Variants in PBX1 observed in about 807,000 individuals in gnomAD.
The protein encoded by PBX1 is PBX homeobox 1, also known as pre-B-cell leukemia transcription factor 1.
Under a neutral mutation model 53.4 loss-of-function variants are expected in PBX1, and 6 were observed. The observed-to-expected ratio is 0.11, with a 90% CI of 0.06 to 0.22. The LOEUF (loss-of-function observed/expected upper bound fraction) is 0.22. PBX1 is among the 10% of genes least tolerant of loss of function. The probability of loss-of-function intolerance (pLI) is 1.00; values close to 1 mark genes in which losing one functional copy is unlikely to be tolerated. For missense variants in PBX1, 251 were observed against 551.4 expected (o/e 0.46, Z 5.46); for synonymous variants, 204 against 212.3 (o/e 0.96, Z 0.34).
chr1:164,651,402 A>G (rs560490052), intron 2 of PBX1, among the ~76,000 whole-genome samples: 4 of 151,424 alleles, frequency 2.6e-5, no homozygotes, highest in Middle Eastern at 3.4e-3. Flanking sequence ...TGTTTATTTC[A>G]TCTCGCGTGG....
At chr1:164,697,276 T>C (rs896315671) in intron 2 of PBX1, among the ~76,000 whole-genome samples, 12 of 152,172 alleles carry the variant, frequency 7.9e-5, no homozygotes, top group Admixed American at 6.5e-5. Flanking sequence ...AGAACCTAGG[T>C]TGAATGACTG....
At chr1:164,858,971 A>C (rs1195230041) in intron 2 of PBX1, among the ~76,000 whole-genome samples, 1 of 152,166 alleles carries the variant, frequency 6.6e-6, no homozygotes, top group Non-Finnish European at 1.5e-5. Flanking sequence ...AGGATGTATA[A>C]AATACTTGAA....
At chr1:164,744,227 CAA>C (rs1194966790) in intron 2 of PBX1, among the ~76,000 whole-genome samples, 3 of 152,258 alleles carry the variant, frequency 2.0e-5, no homozygotes, top group Admixed American at 6.5e-5. Flanking sequence ...GTGTCTGACT[CAA>C]GAGGGGATTA....
At chr1:164,638,613 G>A (rs1452280049) in intron 2 of PBX1, among the ~76,000 whole-genome samples, 1 of 152,174 alleles carries the variant, frequency 6.6e-6, no homozygotes, top group Non-Finnish European at 1.5e-5. Flanking sequence ...GGGTGAAAAC[G>A]ACAAGTGGAG....
At chr1:164,837,942 A>G (rs1571504886) in intron 8 of PBX1, among the ~76,000 whole-genome samples, 2 of 152,332 alleles carry the variant, frequency 1.3e-5, no homozygotes, top group Middle Eastern at 3.4e-3. Context: ...GATCCCTTAT[A>G]TGGCATTATT....
At position 164,799,957 on chromosome 1, in the gene PBX1, G is replaced by A. The variant is rs543550239; in HGVS notation, c.701+68G>A. 45 of 1,407,462 alleles carry A rather than the reference G, an allele frequency of 3.2e-5. 1 individual carries two copies. The South Asian group carries it at 5.9e-4, about 18-fold the overall frequency. 87.2% of individuals were successfully genotyped at this position (1,407,462 alleles called of 1,614,324 possible). A position where few individuals can be genotyped will look rare whatever the true frequency, so the allele number is the denominator to read the frequency against. ...TGATCTGGGGCTGGAGTCCACAGCC[G>A]CTGCCCCCTTCAGGCTCTAGTTTCA... On this transcript the variant is annotated intron_variant, in intron 4 of 8. Coordinates refer to ENST00000420696, the MANE Select transcript of PBX1 (RefSeq NM_002585.4).
Position 164,849,437 on chromosome 1 carries a change from G to A in PBX1, c.*2761G>A, listed in dbSNP as rs1197266182. ...ACATTAGGCGAAGCAGGAGAACACT[G>A]AGAGCAGCAGGATGGGTTTGGAAAG... On this transcript the variant is annotated 3_prime_UTR_variant, in exon 9 of 9. Coordinates refer to ENST00000420696, the MANE Select transcript of PBX1 (RefSeq NM_002585.4). The A allele has an allele frequency of 1.5e-5, 23 of 1,535,276 alleles. No individual in the cohort carries two copies. The highest frequency in any genetic ancestry group is 2.0e-5 in the Non-Finnish European group (23 of 1,146,634).
chr1:164,780,895 T>C (rs566218464), intron 2 of PBX1, among the ~76,000 whole-genome samples: 8 of 152,188 alleles, frequency 5.3e-5, no homozygotes, highest in African/African-American at 9.7e-5. Context: ...GTTAGTATCA[T>C]GTCCTGCCAT....
At chr1:164,693,348 T>C (rs1006682022) in intron 2 of PBX1, among the ~76,000 whole-genome samples, 6 of 152,208 alleles carry the variant, frequency 3.9e-5, no homozygotes, top group Non-Finnish European at 7.3e-5. Context: ...ACAATTATTA[T>C]AATACCTGGA....
intron 8 of PBX1, among the ~76,000 whole-genome samples, chr1:164,844,118 T>C (rs1245570437): frequency 1.3e-5 from 2 of 148,200 alleles, no homozygotes; most frequent in East Asian, 2.0e-4. Flanking sequence ...TTTCTTTCTT[T>C]TTTTTTTTTT....
At chr1:164,560,243 T>A in intron 1 of PBX1, 2 of 443,098 alleles carry the variant, frequency 4.5e-6, no homozygotes, top group Non-Finnish European at 8.0e-6. Flanking sequence ...TGTGTGTGTG[T>A]GTGTGAATAT....
Position 164,848,906 on chromosome 1 carries a change from TAAGTATTTAGC to T in PBX1, c.*2233_*2243del. ...GTGTATTTGAAGGAAATGCAAAAAC[TAAGTATTTAGC>T]AAAATGAAATTATGCCTTGATGACT... On this transcript the variant is annotated 3_prime_UTR_variant, in exon 9 of 9. Coordinates refer to ENST00000420696, the MANE Select transcript of PBX1 (RefSeq NM_002585.4). 1.9e-6 allele frequency: 2 copies of T among 1,069,020 alleles called. No individual in the cohort carries two copies. The highest frequency in any genetic ancestry group is 2.3e-6 in the Non-Finnish European group (2 of 881,862). 66.2% of individuals were successfully genotyped at this position (1,069,020 alleles called of 1,614,324 possible).
rs919626876 is a variant in PBX1 at position 164,850,822 on chromosome 1, C to G, written c.*4146C>G. ...AGTCCAAGGGAACTTTTTATGCTATCAGGAAAGGTTTTTGCTGTTTTTGAT... is the reference window on the plus strand; with the variant it reads ...AGTCCAAGGGAACTTTTTATGCTATGAGGAAAGGTTTTTGCTGTTTTTGAT... On this transcript the variant is annotated 3_prime_UTR_variant, in exon 9 of 9. Coordinates refer to ENST00000420696, the MANE Select transcript of PBX1 (RefSeq NM_002585.4). 9.5e-6 allele frequency: 2 copies of G among 210,004 alleles called. No homozygotes were observed. The highest frequency in any genetic ancestry group is 9.7e-6 in the Non-Finnish European group (1 of 103,374). 13.0% of individuals were successfully genotyped at this position (210,004 alleles called of 1,614,324 possible). A position where few individuals can be genotyped will look rare whatever the true frequency, so the allele number is the denominator to read the frequency against.
intron 2 of PBX1, among the ~76,000 whole-genome samples, chr1:164,606,505 G>A (rs933746271): frequency 6.6e-6 from 1 of 152,194 alleles, no homozygotes; most frequent in Non-Finnish European, 1.5e-5. Flanking sequence ...GAACCTGGGA[G>A]GCGAAGGTTT....
chr1:164,876,177 T>C (rs1170493870), intron 2 of PBX1, among the ~76,000 whole-genome samples: 3 of 151,890 alleles, frequency 2.0e-5, no homozygotes, highest in African/African-American at 7.2e-5. Context: ...ACTTTGCAAA[T>C]AGAGTGTTAT....
intron 2 of PBX1, among the ~76,000 whole-genome samples, chr1:164,670,099 A>G (rs912960743): frequency 8.2e-6 from 1 of 121,504 alleles, no homozygotes; most frequent in Non-Finnish European, 1.5e-5. Flanking sequence ...GTCCATGAGG[A>G]GTGGGACTCT....
chr1:164,739,562 G>A (rs551896051), intron 2 of PBX1, among the ~76,000 whole-genome samples: 2 of 152,254 alleles, frequency 1.3e-5, no homozygotes, highest in East Asian at 3.9e-4. Context: ...AAAGAAATGA[G>A]CATTTTTCTT....
At chr1:164,825,706 A>G (rs1571480639) in intron 8 of PBX1, among the ~76,000 whole-genome samples, 4 of 152,202 alleles carry the variant, frequency 2.6e-5, no homozygotes, top group Non-Finnish European at 5.9e-5. Context: ...TGGTGATGAT[A>G]TTGCAGACAT....
chr1:164,647,805 A>C (rs1044360422), intron 2 of PBX1, among the ~76,000 whole-genome samples: 6 of 143,818 alleles, frequency 4.2e-5, no homozygotes, highest in African/African-American at 7.5e-5. Context: ...ATTTTCTCAA[A>C]GCACCCCAGC....
Sources: allele counts gnomAD v4.1 joint callset (sites outside exome capture counted in the v4.1 genomes callset), GRCh38; gene constraint gnomAD v4.1.1; transcripts MANE v1.5; gene names NCBI Gene and HGNC (gene_info 2026-07-23, HGNC 2026-07-21).